FUT9: variants seen among roughly 807,000 people sequenced by gnomAD.
FUT9 encodes the protein 4-galactosyl-N-acetylglucosaminide 3-alpha-L-fucosyltransferase 9.
A neutral mutation model predicts 29.7 loss-of-function variants in FUT9; 15 were observed. The observed-to-expected ratio is 0.51, with a 90% CI of 0.34 to 0.78. The LOEUF is 0.78. Among genes scored for constraint, FUT9 ranks in the 30% least tolerant of loss-of-function variants. FUT9 has a pLI of 0.01. For missense variants in FUT9, 319 were observed against 425.4 expected, an observed-to-expected ratio of 0.75 and a Z score of 2.20; for synonymous variants, 169 against 153.7, an observed-to-expected ratio of 1.10 and a Z score of -0.74.
chr6:96,102,654 C>G (rs942909035), intron 1 of FUT9, among the ~76,000 whole-genome samples: 1 of 152,140 alleles, frequency 6.6e-6, no homozygotes, highest in Admixed American at 6.6e-5. Flanking sequence ...CTTAAAATCA[C>G]ATATGATTCA....
intron 1 of FUT9, among the ~76,000 whole-genome samples, chr6:96,079,211 C>G (rs888333967): frequency 2.0e-5 from 3 of 152,156 alleles, no homozygotes; most frequent in African/African-American, 7.2e-5. Context: ...GATTTATATG[C>G]ATTCCTTCGA....
At chr6:96,178,549 C>T (rs904215216) in intron 2 of FUT9, among the ~76,000 whole-genome samples, 8 of 152,084 alleles carry the variant, frequency 5.3e-5, no homozygotes, top group Non-Finnish European at 7.4e-5. Flanking sequence ...CTATTGTCCT[C>T]GGCTCAAATG....
chr6:96,056,667 T>C (rs1049421638), intron 1 of FUT9, among the ~76,000 whole-genome samples: 2 of 152,092 alleles, frequency 1.3e-5, no homozygotes, highest in Non-Finnish European at 2.9e-5. Flanking sequence ...GGAGGATCGC[T>C]TGAGCCCAGG....
chr6:96,184,559 C>T (rs1034434186), intron 2 of FUT9, among the ~76,000 whole-genome samples: 2 of 151,742 alleles, frequency 1.3e-5, no homozygotes, highest in Admixed American at 6.6e-5. Context: ...ACTGTTTGTG[C>T]TCTTTAGATT....
At chr6:96,113,793 G>T (rs1478343439) in intron 1 of FUT9, among the ~76,000 whole-genome samples, 1 of 149,598 alleles carries the variant, frequency 6.7e-6, no homozygotes, top group Admixed American at 6.7e-5. Flanking sequence ...GGCGGTGCTT[G>T]CAGTAAGCCG....
At chr6:96,180,341 G>C (rs1773282436) in intron 2 of FUT9, among the ~76,000 whole-genome samples, 2 of 151,986 alleles carry the variant, frequency 1.3e-5, no homozygotes, top group African/African-American at 4.8e-5. Context: ...TTGCCCAAAA[G>C]TTTCACAGAG....
At chr6:96,165,854 G>A (rs990078779) in intron 2 of FUT9, among the ~76,000 whole-genome samples, 1 of 152,092 alleles carries the variant, frequency 6.6e-6, no homozygotes, top group Non-Finnish European at 1.5e-5. Flanking sequence ...GACCTCAAGT[G>A]ATCCACCAGC....
In FUT9 at chr6:96,208,877, T is replaced by C. The variant is rs72927046; in HGVS notation, c.*4642T>C. 0.045 allele frequency: 6,827 copies of C among 150,560 alleles called. 223 individuals carry two copies. Among genetic ancestry groups the C allele is most frequent in the South Asian group, 0.16 (624 of 3,994 alleles). 9.3% of individuals were successfully genotyped at this position (150,560 alleles called of 1,614,324 possible). A position where few individuals can be genotyped will look rare whatever the true frequency, so the allele number is the denominator to read the frequency against. Reference sequence around the variant, plus strand: ...TCTCTCCTAACTTCATTCCATTGTATTGCAATCAGTCAATTAAGGTGATTT... The same window carrying C: ...TCTCTCCTAACTTCATTCCATTGTACTGCAATCAGTCAATTAAGGTGATTT... On this transcript the variant is annotated 3_prime_UTR_variant, in exon 3 of 3. Coordinates refer to ENST00000302103, the MANE Select transcript of FUT9 (RefSeq NM_006581.4).
chr6:96,102,400 T>C (rs890022098), intron 1 of FUT9, among the ~76,000 whole-genome samples: 4 of 152,194 alleles, frequency 2.6e-5, no homozygotes, highest in Admixed American at 6.5e-5. Context: ...TTGTTTTTAC[T>C]GAGATAATTT....
Position 96,039,160 on chromosome 6 carries a change from G to A in FUT9, c.-98+22948G>A, listed in dbSNP as rs577629001. 5.3e-5 allele frequency among the ~76,000 whole-genome samples: 8 copies of A among 152,030 alleles called. No homozygotes were observed. The South Asian group carries it at 8.3e-4, about 16-fold the overall frequency. ...GCTTAGTGATGGGCACATAATTTAC[G>A]CTCAGCAGATGTTTATTCAATTGAA... On this transcript the variant is annotated intron_variant, in intron 1 of 2. Coordinates refer to ENST00000302103, the MANE Select transcript of FUT9 (RefSeq NM_006581.4).
At position 96,206,354 on chromosome 6, in the gene FUT9, A is replaced by C. The variant is rs1212171420; in HGVS notation, c.*2119A>C. The C allele has an allele frequency of 1.2e-5, 2 of 167,116 alleles. No homozygotes were observed. The highest frequency in any genetic ancestry group is 4.8e-5 in the African/African-American group (2 of 41,464). The allele number at this position is 167,116 out of a possible 1,614,324, so 10.4% of individuals were successfully genotyped here. On this transcript the variant is annotated 3_prime_UTR_variant, in exon 3 of 3. Coordinates refer to ENST00000302103, the MANE Select transcript of FUT9 (RefSeq NM_006581.4). ...TCCATATTTAATTAATTGGTAAGAC[A>C]GTCAAATTCATACATTTACATTTAC...
intron 1 of FUT9, among the ~76,000 whole-genome samples, chr6:96,057,614 C>G (rs768910911): frequency 6.6e-6 from 1 of 152,140 alleles, no homozygotes; most frequent in Non-Finnish European, 1.5e-5. Context: ...CTCCCTAAAG[C>G]TGGATTAAAA....
intron 2 of FUT9, among the ~76,000 whole-genome samples, chr6:96,145,971 G>C (rs989947386): frequency 3.3e-5 from 5 of 151,234 alleles, no homozygotes; most frequent in African/African-American, 1.2e-4. Flanking sequence ...TCCTACCTCA[G>C]CTTCCCAAGT....
At chr6:96,082,279 A>C (rs1771249833) in intron 1 of FUT9, among the ~76,000 whole-genome samples, 1 of 151,800 alleles carries the variant, frequency 6.6e-6, no homozygotes, top group Non-Finnish European at 1.5e-5. Context: ...AAAGCTTTTA[A>C]AATTTGCCTT....
At chr6:96,164,477 C>A (rs913637600) in intron 2 of FUT9, among the ~76,000 whole-genome samples, 7 of 152,030 alleles carry the variant, frequency 4.6e-5, no homozygotes, top group Non-Finnish European at 7.4e-5. Flanking sequence ...CCAGGATGGT[C>A]TCAACCTCCT....
chr6:96,017,552 C>T (rs72924123), intron 1 of FUT9, among the ~76,000 whole-genome samples: 49,666 of 151,892 alleles, frequency 0.33, 9,205 homozygotes, highest in Non-Finnish European at 0.43. Flanking sequence ...AACAAAACTA[C>T]CCCACAAAAT....
At chr6:96,160,973 A>G (rs1221704884) in intron 2 of FUT9, among the ~76,000 whole-genome samples, 1 of 152,192 alleles carries the variant, frequency 6.6e-6, no homozygotes, top group Non-Finnish European at 1.5e-5. Flanking sequence ...CGTGAATTGT[A>G]ATTACTGGAT....
chr6:96,114,537 C>G (rs1014768495), intron 2 of FUT9, among the ~76,000 whole-genome samples: 12 of 151,402 alleles, frequency 7.9e-5, no homozygotes, highest in Admixed American at 5.3e-4. Context: ...TATTAGTTAT[C>G]TTTTGAAAAT....
chr6:96,017,470 A>T (rs1036799198), intron 1 of FUT9, among the ~76,000 whole-genome samples: 6 of 152,178 alleles, frequency 3.9e-5, no homozygotes, highest in African/African-American at 1.2e-4. Context: ...AGGGGGATGG[A>T]GTGAACATCG....
Sources: gnomAD v4.1 joint callset for allele counts (sites outside exome capture counted in the v4.1 genomes callset) on GRCh38, gnomAD v4.1.1 for gene constraint, MANE v1.5 for transcripts, NCBI Gene and HGNC (gene_info 2026-07-23, HGNC 2026-07-21) for gene names.